Variants in STK10 observed in about 807,000 individuals in gnomAD.
The protein encoded by STK10 is serine/threonine-protein kinase 10.
Under a neutral mutation model 113.8 loss-of-function variants are expected in STK10, and 78 were observed. The ratio of observed to expected loss-of-function variants is 0.69; its 90% CI spans 0.57 to 0.83. The LOEUF (loss-of-function observed/expected upper bound fraction) is 0.83. Ranked by LOEUF, STK10 falls within the 40% of genes least tolerant of loss-of-function variation. The pLI is 0.00. For synonymous variants in STK10, 465 were observed against 494.7 expected, an observed-to-expected ratio of 0.94 and a Z score of 0.80; for missense variants, 1,109 against 1,280.1, an observed-to-expected ratio of 0.87 and a Z score of 2.04.
intron 12 of STK10, among the ~76,000 whole-genome samples, chr5:172,065,239 T>C (rs1768043728): frequency 6.6e-6 from 1 of 152,040 alleles, no homozygotes; most frequent in African/African-American, 2.4e-5. Flanking sequence ...ACCATTGTCA[T>C]ATTTCAGTTA....
chr5:172,058,250 C>A (rs1767850174), intron 14 of STK10, among the ~76,000 whole-genome samples: 1 of 152,198 alleles, frequency 6.6e-6, no homozygotes, highest in African/African-American at 2.4e-5. Context: ...GTGATTCTGG[C>A]TTCCACCCCA....
At chr5:172,052,901 C>A in intron 18 of STK10, 28 bp downstream of exon 18, 3 of 1,609,632 alleles carry the variant, frequency 1.9e-6, no homozygotes, top group Non-Finnish European at 2.5e-6. Context: ...GAGCCCGAGA[C>A]TGAGCCCACC....
chr5:172,171,708 CTT>C (rs144392543), intron 1 of STK10, among the ~76,000 whole-genome samples: 11 of 90,184 alleles, frequency 1.2e-4, no homozygotes, highest in African/African-American at 5.1e-4. Flanking sequence ...GAGTGAAACT[CTT>C]GTCTTAAAAT....
chr5:172,088,355 G>A (rs1768617292), intron 10 of STK10, among the ~76,000 whole-genome samples: 1 of 151,966 alleles, frequency 6.6e-6, no homozygotes, highest in South Asian at 2.1e-4. Context: ...GAAACCCCGT[G>A]TGTACTAAAA....
intron 18 of STK10, among the ~76,000 whole-genome samples, chr5:172,046,435 G>A (rs955206021): frequency 5.3e-5 from 8 of 151,924 alleles, no homozygotes; most frequent in Non-Finnish European, 8.8e-5. Flanking sequence ...CCAGCACATA[G>A]GCTATCAGTT....
Position 172,137,840 on chromosome 5 carries a change from C to T in STK10, c.322-10419G>A, listed in dbSNP as rs866415415. On this transcript the variant is annotated intron_variant, in intron 2 of 18. Transcript: ENST00000176763. ...CCTGGAGGCGGAGCTTGCAGTGAGC[C>T]GAGATCACACCACAGTACTCCAGCC... 9.1e-5 allele frequency among the ~76,000 whole-genome samples: 13 copies of T among 142,348 alleles called. No homozygotes were observed. The South Asian group carries it at 1.1e-3, about 12-fold the overall frequency. The allele number at this position is 142,348 out of a possible 152,430, so 93.4% of individuals were successfully genotyped here.
intron 1 of STK10, among the ~76,000 whole-genome samples, chr5:172,171,003 A>C (rs1770657437): frequency 6.6e-6 from 1 of 152,198 alleles, no homozygotes; most frequent in Non-Finnish European, 1.5e-5. Context: ...CATGTGTTTA[A>C]GACACTCATT....
intron 1 of STK10, among the ~76,000 whole-genome samples, chr5:172,173,296 A>G (rs1382936346): frequency 6.6e-6 from 1 of 152,176 alleles, no homozygotes; most frequent in Non-Finnish European, 1.5e-5. Context: ...GCAAGGGTAG[A>G]AAGAATCTCA....
chr5:172,169,778 C>A (rs1321931902), intron 1 of STK10, among the ~76,000 whole-genome samples: 4 of 152,158 alleles, frequency 2.6e-5, no homozygotes, highest in Non-Finnish European at 4.4e-5. Flanking sequence ...ACCCCGCTCC[C>A]TCCGATGTCC....
chr5:172,099,129 C>T (rs1768923344), intron 7 of STK10, among the ~76,000 whole-genome samples: 1 of 152,070 alleles, frequency 6.6e-6, no homozygotes, highest in South Asian at 2.1e-4. Flanking sequence ...CCATCATTAC[C>T]ACCATCATCC....
chr5:172,066,365 T>C (rs1768069365), intron 12 of STK10, among the ~76,000 whole-genome samples: 1 of 152,010 alleles, frequency 6.6e-6, no homozygotes, highest in Non-Finnish European at 1.5e-5. Flanking sequence ...TTTGCACCAA[T>C]TCCAGACCTG....
Position 172,082,402 on chromosome 5 carries a change from T to C in STK10, c.1913A>G (p.Glu638Gly), listed in dbSNP as rs771826535. The C allele has an allele frequency of 1.9e-6, 3 of 1,610,538 alleles. No homozygotes were observed. The highest frequency in any genetic ancestry group is 2.2e-5 in the South Asian group (2 of 90,592). ...EQDHAVRRREEARRIRLEQDR... is the reference protein window; with the variant it reads ...EQDHAVRRREGARRIRLEQDR... ...CTGCTCCAGGCGGATCCGCCTGGCC[T>C]CCTCCCGGCGGCGCACGGCATGGTC... The change falls in exon 12 of 19, where the codon GAG becomes GGG. Residue 638 changes from glutamate (E) to glycine (G), a missense_variant. Transcript: ENST00000176763. This position sits in a 1 kb window ranked among gnomAD's most constrained non-coding sequence, Gnocchi z 4.3.
chr5:172,099,786 C>T (rs890448122), intron 7 of STK10, among the ~76,000 whole-genome samples: 6 of 152,352 alleles, frequency 3.9e-5, no homozygotes, highest in South Asian at 2.1e-4. Flanking sequence ...CTGAAGCAGA[C>T]GCGGCAGAAA....
chr5:172,076,135 T>G (rs924564267), intron 12 of STK10, among the ~76,000 whole-genome samples: 2 of 151,110 alleles, frequency 1.3e-5, no homozygotes, highest in African/African-American at 4.9e-5. Flanking sequence ...AGTTCTTTGT[T>G]GTGGGGGCTG....
At chr5:172,080,843 A>G (rs1177427687) in intron 12 of STK10, among the ~76,000 whole-genome samples, 1 of 152,276 alleles carries the variant, frequency 6.6e-6, no homozygotes, top group African/African-American at 2.4e-5. Context: ...ATCATTGATG[A>G]AAGTGGCTGC....
At chr5:172,126,504 C>G (rs980428194) in intron 3 of STK10, among the ~76,000 whole-genome samples, 2 of 152,094 alleles carry the variant, frequency 1.3e-5, no homozygotes. Context: ...GTGGAGGTTA[C>G]AGTAAGCTGA....
intron 1 of STK10, among the ~76,000 whole-genome samples, chr5:172,160,721 T>C (rs1404942086): frequency 6.6e-6 from 1 of 152,166 alleles, no homozygotes; most frequent in East Asian, 1.9e-4. Context: ...TAGCACCCTA[T>C]GGATGACAAT....
At chr5:172,174,864 A>G (rs1770732138) in intron 1 of STK10, among the ~76,000 whole-genome samples, 1 of 152,152 alleles carries the variant, frequency 6.6e-6, no homozygotes, top group African/African-American at 2.4e-5. Context: ...ACTGGCCTCC[A>G]CCACCCTGCA....
At chr5:172,141,382 G>C (rs1344104743) in intron 2 of STK10, among the ~76,000 whole-genome samples, 1 of 152,022 alleles carries the variant, frequency 6.6e-6, no homozygotes. Flanking sequence ...TTCGAGACCA[G>C]CCTGGGCAAC....
Sources: allele counts gnomAD v4.1 joint callset (sites outside exome capture counted in the v4.1 genomes callset), GRCh38; gene constraint gnomAD v4.1.1; non-coding constraint Gnocchi (gnomAD v3.1); transcripts MANE v1.5; gene names NCBI Gene and HGNC (gene_info 2026-07-23, HGNC 2026-07-21).